Variants in PRKCZ observed in about 807,000 individuals in gnomAD.
PRKCZ encodes the protein protein kinase C zeta, also known as protein kinase C zeta type.
A neutral mutation model predicts 79.5 loss-of-function variants in PRKCZ; 33 were observed. The observed-to-expected ratio is 0.41, with a 90% CI of 0.31 to 0.55. The LOEUF (loss-of-function observed/expected upper bound fraction) is 0.55, where lower values mean the gene tolerates loss of function less well. PRKCZ is among the 20% of genes least tolerant of loss of function. The probability of loss-of-function intolerance (pLI) is 0.19; values close to 1 mark genes in which losing one functional copy is unlikely to be tolerated. For missense variants in PRKCZ, 578 were observed against 813.5 expected (o/e 0.71, Z 3.52); for synonymous variants, 342 against 320.9 (o/e 1.07, Z -0.70).
At chr1:2,105,606 G>A (rs975597538) in intron 4 of PRKCZ, among the ~76,000 whole-genome samples, 2 of 152,140 alleles carry the variant, frequency 1.3e-5, no homozygotes, top group African/African-American at 4.8e-5. Context: ...CACCATGTTG[G>A]CCAGGCCGGT....
chr1:2,102,858 T>C (rs1667734086), intron 4 of PRKCZ, among the ~76,000 whole-genome samples: 1 of 151,932 alleles, frequency 6.6e-6, no homozygotes, highest in Non-Finnish European at 1.5e-5. Context: ...CTTGACTGTT[T>C]TTATATTCTG....
At chr1:2,076,107 T>C (rs918379927) in intron 4 of PRKCZ, among the ~76,000 whole-genome samples, 4 of 152,138 alleles carry the variant, frequency 2.6e-5, no homozygotes, top group Admixed American at 1.3e-4. Context: ...CTGAATGGGC[T>C]GTTTGGGGCC....
chr1:2,099,198 A>AC (rs1667044045), intron 4 of PRKCZ, among the ~76,000 whole-genome samples: 1 of 152,002 alleles, frequency 6.6e-6, no homozygotes, highest in South Asian at 2.1e-4. Context: ...GGCCACGGAC[A>AC]CCCCCTCTCA....
chr1:2,056,636 G>A (rs984100219), intron 3 of PRKCZ, 63 bp downstream of exon 3: 6 of 1,418,200 alleles, frequency 4.2e-6, no homozygotes, highest in Non-Finnish European at 4.9e-6. Flanking sequence ...GGTGTCTGCC[G>A]ACTAGCTGGG....
At chr1:2,141,998 C>T (rs1323479114) in intron 5 of PRKCZ, 15 of 103,774 alleles carry the variant, frequency 1.4e-4, no homozygotes, top group East Asian at 3.4e-4. Flanking sequence ...GCAGCCGAAG[C>T]GCCTCTTTTC....
chr1:2,093,914 G>A (rs1665958395), intron 4 of PRKCZ, among the ~76,000 whole-genome samples: 1 of 152,154 alleles, frequency 6.6e-6, no homozygotes, highest in South Asian at 2.1e-4. Context: ...GCAGCCCTTG[G>A]CCGGGCACTA....
At chr1:2,179,693 A>C (rs1227874956) in intron 16 of PRKCZ, among the ~76,000 whole-genome samples, 1 of 152,100 alleles carries the variant, frequency 6.6e-6, no homozygotes, top group Non-Finnish European at 1.5e-5. Context: ...GTTGCTGGGG[A>C]GATTCTGCCT....
At chr1:2,059,803 G>A (rs1049769448) in intron 4 of PRKCZ, among the ~76,000 whole-genome samples, 3 of 152,212 alleles carry the variant, frequency 2.0e-5, no homozygotes, top group Non-Finnish European at 2.9e-5. Flanking sequence ...CGGGGGACTC[G>A]CTTGGCTGGT....
chr1:2,183,200 C>A (rs1212023460), intron 16 of PRKCZ, among the ~76,000 whole-genome samples: 3 of 150,724 alleles, frequency 2.0e-5, no homozygotes, highest in African/African-American at 7.4e-5. Flanking sequence ...CACTGCACTT[C>A]AGCCTGGGAG....
At chr1:2,184,292 C>G (rs1687197348) in intron 16 of PRKCZ, 2 of 366,300 alleles carry the variant, frequency 5.5e-6, no homozygotes. Context: ...GAACAAGGAC[C>G]CCCCCAAGGA....
At position 2,185,298 on chromosome 1, in the gene PRKCZ, A is replaced by C. The variant is rs778777886; in HGVS notation, c.*289A>C. ...GGCTGTCATGCGGTTTCCAAGGTGC[A>C]CATTTTCCACGGAAACAGAACTCGA... On this transcript the variant is annotated 3_prime_UTR_variant, in exon 18 of 18. Transcript: ENST00000378567. The C allele has an allele frequency of 2.8e-6, 2 of 718,496 alleles. No individual in the cohort carries two copies. Among genetic ancestry groups the C allele is most frequent in the South Asian group, 3.0e-5 (2 of 67,606 alleles). 44.5% of individuals were successfully genotyped at this position (718,496 alleles called of 1,614,324 possible). A position where few individuals can be genotyped will look rare whatever the true frequency, so the allele number is the denominator to read the frequency against.
intron 10 of PRKCZ, among the ~76,000 whole-genome samples, chr1:2,159,082 C>T (rs957552228): frequency 3.1e-4 from 47 of 152,146 alleles, no homozygotes; most frequent in African/African-American, 9.9e-4. Flanking sequence ...CCTGCCACTA[C>T]ACCTGGCTAA....
intron 7 of PRKCZ, among the ~76,000 whole-genome samples, chr1:2,147,195 C>CT (rs1391903845): frequency 3.3e-5 from 5 of 152,238 alleles, no homozygotes. Flanking sequence ...ATCCAACCGT[C>CT]TATTGTCCAC....
intron 4 of PRKCZ, among the ~76,000 whole-genome samples, chr1:2,097,279 C>G (rs543400352): frequency 2.0e-5 from 3 of 152,256 alleles, no homozygotes; most frequent in South Asian, 4.1e-4. Flanking sequence ...CTGGGAAGGC[C>G]CGGGTCGTCG....
intron 10 of PRKCZ, chr1:2,156,341 A>G (rs1003901149): frequency 2.5e-6 from 1 of 400,136 alleles, no homozygotes; most frequent in Non-Finnish European, 4.7e-6. Flanking sequence ...GAGTGCAGGC[A>G]TTGGGTCAGG....
chr1:2,171,016 T>C (rs1014272037), intron 11 of PRKCZ, among the ~76,000 whole-genome samples: 4 of 152,198 alleles, frequency 2.6e-5, no homozygotes, highest in African/African-American at 9.6e-5. Context: ...ACCCAGAAAC[T>C]GAATTGCTAA....
intron 7 of PRKCZ, among the ~76,000 whole-genome samples, chr1:2,146,741 G>GA (rs1399223676): frequency 6.6e-6 from 1 of 152,178 alleles, no homozygotes; most frequent in Non-Finnish European, 1.5e-5. Flanking sequence ...GGAGACCACA[G>GA]AACATAAAGC....
Position 2,119,793 on chromosome 1 carries a change from T to TC in PRKCZ, c.335-15469_335-15468insC, listed in dbSNP as rs112595393. Among the ~76,000 whole-genome samples, 831 of 151,090 alleles carry TC rather than the reference T, an allele frequency of 5.5e-3. 44 individuals carry two copies. The East Asian group carries it at 0.12, about 22-fold the overall frequency. ...TCTTTTTATTTCTTTTCTTTTCTTT[T>TC]TTTTTTTTTTGAGATGGATTTTTGC... On this transcript the variant is annotated intron_variant, in intron 4 of 17. Coordinates refer to ENST00000378567, the MANE Select transcript of PRKCZ (RefSeq NM_002744.6).
intron 4 of PRKCZ, among the ~76,000 whole-genome samples, chr1:2,099,891 A>T (rs932254792): frequency 1.3e-5 from 2 of 152,216 alleles, no homozygotes; most frequent in Admixed American, 6.5e-5. Flanking sequence ...TAAATCGGTG[A>T]AAGTGAGAAA....
Sources: gnomAD v4.1 joint callset for allele counts (sites outside exome capture counted in the v4.1 genomes callset) on GRCh38, gnomAD v4.1.1 for gene constraint, MANE v1.5 for transcripts, NCBI Gene and HGNC (gene_info 2026-07-23, HGNC 2026-07-21) for gene names.